The following GPC6 variants were observed in gnomAD, a reference collection of about 807,000 sequenced individuals.
The protein encoded by GPC6 is glypican-6.
A neutral mutation model predicts 55.2 loss-of-function variants in GPC6; 14 were observed. The observed-to-expected ratio is 0.25, with a 90% CI of 0.17 to 0.40. The LOEUF (loss-of-function observed/expected upper bound fraction) is 0.40, where lower values mean the gene tolerates loss of function less well. Among genes scored for constraint, GPC6 ranks in the 10% least tolerant of loss-of-function variants. The pLI is 1.00. For synonymous variants in GPC6, 278 were observed against 259.6 expected, an observed-to-expected ratio of 1.07 and a Z score of -0.68; for missense variants, 641 against 708.5, an observed-to-expected ratio of 0.90 and a Z score of 1.08.
At chr13:93,544,205 T>C (rs907187766) in intron 1 of GPC6, among the ~76,000 whole-genome samples, 1 of 152,136 alleles carries the variant, frequency 6.6e-6, no homozygotes, top group Non-Finnish European at 1.5e-5. Flanking sequence ...CTTGTAAACT[T>C]TTTTTTATTC....
chr13:93,884,115 G>A (rs1369861965), intron 3 of GPC6, among the ~76,000 whole-genome samples: 1 of 152,140 alleles, frequency 6.6e-6, no homozygotes, highest in Non-Finnish European at 1.5e-5. Context: ...AATTACTCAT[G>A]TAGTTATGAG....
At chr13:93,267,042 CTT>C (rs747430227) in intron 1 of GPC6, among the ~76,000 whole-genome samples, 18 of 152,110 alleles carry the variant, frequency 1.2e-4, no homozygotes, top group Non-Finnish European at 2.1e-4. Flanking sequence ...AAGAAAATAA[CTT>C]GTAAAACCCA....
intron 1 of GPC6, among the ~76,000 whole-genome samples, chr13:93,277,547 A>T (rs895839984): frequency 6.6e-6 from 1 of 152,166 alleles, no homozygotes; most frequent in African/African-American, 2.4e-5. Flanking sequence ...CTTTATTATA[A>T]CCCAATTCCT....
intron 2 of GPC6, among the ~76,000 whole-genome samples, chr13:93,740,011 A>G (rs967923879): frequency 2.6e-5 from 4 of 152,200 alleles, no homozygotes; most frequent in African/African-American, 9.7e-5. Context: ...ATTGGAATTA[A>G]AAACCTAAAG....
intron 1 of GPC6, among the ~76,000 whole-genome samples, chr13:93,372,256 A>C (rs1333602841): frequency 6.6e-5 from 10 of 152,162 alleles, no homozygotes; most frequent in African/African-American, 2.2e-4. Context: ...AGTTTCAGAT[A>C]TCTTAAGAGA....
intron 1 of GPC6, among the ~76,000 whole-genome samples, chr13:93,542,119 A>C (rs1296439427): frequency 1.3e-5 from 2 of 152,314 alleles, no homozygotes; most frequent in East Asian, 1.9e-4. Context: ...CCTGAATGCT[A>C]ATGCCTAGGT....
chr13:93,847,286 G>A (rs1888215223), intron 3 of GPC6, among the ~76,000 whole-genome samples: 1 of 152,064 alleles, frequency 6.6e-6, no homozygotes, highest in Admixed American at 6.6e-5. Context: ...CGTGTCTGTG[G>A]ATGTTAGTAT....
chr13:93,735,031 A>T (rs966142688), intron 2 of GPC6, among the ~76,000 whole-genome samples: 1 of 152,126 alleles, frequency 6.6e-6, no homozygotes, highest in Non-Finnish European at 1.5e-5. Flanking sequence ...TATTGCTGAC[A>T]TGTTTTGTCC....
At chr13:93,758,785 T>C (rs1884863873) in intron 2 of GPC6, among the ~76,000 whole-genome samples, 1 of 152,146 alleles carries the variant, frequency 6.6e-6, no homozygotes, top group Non-Finnish European at 1.5e-5. Flanking sequence ...AGTGCTAATG[T>C]TGACTTCACT....
chr13:93,590,718 TA>T (rs1165164636), intron 2 of GPC6, among the ~76,000 whole-genome samples: 2 of 152,200 alleles, frequency 1.3e-5, no homozygotes, highest in Admixed American at 1.3e-4. Flanking sequence ...TAGAAAGTCA[TA>T]AAAGTTACCA....
intron 2 of GPC6, among the ~76,000 whole-genome samples, chr13:93,754,642 C>T (rs2138867498): frequency 6.6e-6 from 1 of 151,792 alleles, no homozygotes; most frequent in South Asian, 2.1e-4. Flanking sequence ...GAGTAAAACC[C>T]ATCACAGTGC....
chr13:93,889,956 A>T (rs1028177429), intron 3 of GPC6, among the ~76,000 whole-genome samples: 1 of 152,118 alleles, frequency 6.6e-6, no homozygotes, highest in Non-Finnish European at 1.5e-5. Flanking sequence ...ATACCATTCT[A>T]TAGAATCATT....
chr13:93,268,691 C>T (rs1164616306), intron 1 of GPC6, among the ~76,000 whole-genome samples: 1 of 152,064 alleles, frequency 6.6e-6, no homozygotes, highest in Non-Finnish European at 1.5e-5. Context: ...TGCATATGAG[C>T]TTCCTTGATA....
At chr13:93,374,633 A>G (rs1408716301) in intron 1 of GPC6, among the ~76,000 whole-genome samples, 1 of 152,226 alleles carries the variant, frequency 6.6e-6, no homozygotes, top group Non-Finnish European at 1.5e-5. Context: ...CCAATCTTTA[A>G]TAATTCTATG....
chr13:94,399,579 GC>G (rs1881042198), intron 8 of GPC6, among the ~76,000 whole-genome samples: 1 of 152,176 alleles, frequency 6.6e-6, no homozygotes, highest in Non-Finnish European at 1.5e-5. Context: ...ATAAGATGAT[GC>G]TTGTGTGCTT....
intron 3 of GPC6, among the ~76,000 whole-genome samples, chr13:93,975,221 C>A (rs1029642175): frequency 6.6e-6 from 1 of 152,108 alleles, no homozygotes; most frequent in African/African-American, 2.4e-5. Context: ...GTAACTGATA[C>A]AAAAATTTTT....
intron 3 of GPC6, among the ~76,000 whole-genome samples, chr13:93,851,552 G>A (rs1888399318): frequency 6.6e-6 from 1 of 151,848 alleles, no homozygotes; most frequent in African/African-American, 2.4e-5. Flanking sequence ...AGGGAAATAA[G>A]TACTTTTATG....
chr13:93,465,179 A>G lies in GPC6; in HGVS notation c.161-80084A>G, dbSNP rs574900107. 8.5e-5 allele frequency among the ~76,000 whole-genome samples: 13 copies of G among 152,338 alleles called. No homozygotes were observed. In the South Asian group the frequency reaches 1.2e-3, roughly 15 times the overall value. ...ATTTAGTATAATTCCTAAGGTACCTATGATTTTTGAAATGGCGAATGAGCA... is the reference window on the plus strand; with the variant it reads ...ATTTAGTATAATTCCTAAGGTACCTGTGATTTTTGAAATGGCGAATGAGCA... On this transcript the variant is annotated intron_variant, in intron 1 of 8. Transcript: ENST00000377047.
At chr13:93,847,877 C>T (rs1176666038) in intron 3 of GPC6, among the ~76,000 whole-genome samples, 4 of 152,140 alleles carry the variant, frequency 2.6e-5, no homozygotes, top group Non-Finnish European at 5.9e-5. Flanking sequence ...ACAACTTTCT[C>T]CTGGGCTCAA....
Sources: allele counts gnomAD v4.1 joint callset (sites outside exome capture counted in the v4.1 genomes callset), GRCh38; gene constraint gnomAD v4.1.1; transcripts MANE v1.5; gene names NCBI Gene and HGNC (gene_info 2026-07-23, HGNC 2026-07-21).